Variants in FRMD4A observed in about 807,000 individuals in gnomAD.
FRMD4A encodes the protein FERM domain-containing protein 4A.
In FRMD4A, 29 loss-of-function variants were observed where a neutral mutation model predicts 129.1. That is an observed-to-expected ratio of 0.22 (90% CI 0.17 to 0.31). The LOEUF is 0.31. Among genes scored for constraint, FRMD4A ranks in the 10% least tolerant of loss-of-function variants. FRMD4A has a pLI of 1.00. For synonymous variants in FRMD4A, 634 were observed against 571.6 expected (o/e 1.11, Z -1.56); for missense variants, 1,272 against 1,375.8 (o/e 0.92, Z 1.19).
chr10:13,694,853 AAAG>A lies in FRMD4A; in HGVS notation c.976-817_976-815del, dbSNP rs1273449962. 2.0e-5 allele frequency among the ~76,000 whole-genome samples: 3 copies of A among 152,086 alleles called. No homozygotes were observed. In the East Asian group the frequency reaches 5.8e-4, roughly 29 times the overall value. ...TGAGACCCTGTCTCTTAAAAAAAAA[AAAG>A]AGAGAAATGACAATGACAGATCTCT... On this transcript the variant is annotated intron_variant, in intron 14 of 24. Transcript: ENST00000357447.
At chr10:13,976,832 T>C (rs970713480) in intron 2 of FRMD4A, among the ~76,000 whole-genome samples, 2 of 152,224 alleles carry the variant, frequency 1.3e-5, no homozygotes, top group African/African-American at 4.8e-5. Flanking sequence ...AGCCATAAGA[T>C]TGGCTGAAGA....
intron 2 of FRMD4A, among the ~76,000 whole-genome samples, chr10:14,098,393 C>CTTTT (rs1301692019): frequency 6.6e-6 from 1 of 150,892 alleles, no homozygotes; most frequent in Non-Finnish European, 1.5e-5. Flanking sequence ...ATGGTTCTCT[C>CTTTT]TTTTTTTCTT....
At chr10:14,304,362 G>A (rs1446223258) in intron 2 of FRMD4A, among the ~76,000 whole-genome samples, 2 of 152,048 alleles carry the variant, frequency 1.3e-5, no homozygotes. Context: ...TCTCATTTTG[G>A]CTTTGATTTG....
At chr10:14,298,071 C>T (rs933333837) in intron 2 of FRMD4A, among the ~76,000 whole-genome samples, 3 of 152,134 alleles carry the variant, frequency 2.0e-5, no homozygotes, top group African/African-American at 7.2e-5. Context: ...GGAACATAGC[C>T]ATATTTGCTT....
chr10:14,288,852 T>C (rs1158096763), intron 2 of FRMD4A, among the ~76,000 whole-genome samples: 1 of 152,210 alleles, frequency 6.6e-6, no homozygotes, highest in Non-Finnish European at 1.5e-5. Flanking sequence ...TTTAGATTCC[T>C]CATGTAAATG....
intron 2 of FRMD4A, among the ~76,000 whole-genome samples, chr10:13,955,023 T>C (rs985874007): frequency 1.3e-5 from 2 of 151,936 alleles, no homozygotes; most frequent in Non-Finnish European, 2.9e-5. Flanking sequence ...TTTTCAAATG[T>C]CACAGACTAC....
chr10:13,885,290 G>A (rs1224250700), intron 2 of FRMD4A, among the ~76,000 whole-genome samples: 17 of 152,144 alleles, frequency 1.1e-4, no homozygotes, highest in Non-Finnish European at 7.3e-5. Context: ...TTGCTCCTCC[G>A]AATGTCACTT....
At chr10:13,869,091 C>T (rs913869947) in intron 2 of FRMD4A, among the ~76,000 whole-genome samples, 19 of 152,172 alleles carry the variant, frequency 1.2e-4, no homozygotes, top group Admixed American at 3.9e-4. Flanking sequence ...AAAGGAAATT[C>T]GGTTTTCTCT....
At chr10:14,297,951 T>C (rs896249347) in intron 2 of FRMD4A, among the ~76,000 whole-genome samples, 17 of 152,190 alleles carry the variant, frequency 1.1e-4, no homozygotes, top group Non-Finnish European at 2.5e-4. Context: ...TAATGTTATC[T>C]CTCTGGGTTT....
intron 2 of FRMD4A, among the ~76,000 whole-genome samples, chr10:14,252,701 T>A (rs148429962): frequency 6.6e-6 from 1 of 152,366 alleles, no homozygotes; most frequent in Non-Finnish European, 1.5e-5. Context: ...ATGCCACATA[T>A]CTCTACCATA....
rs531292095 is a variant in FRMD4A at position 14,110,979 on chromosome 10, A to T, written c.45+219079T>A. Among the ~76,000 whole-genome samples the T allele has an allele frequency of 9.6e-4, 146 of 152,294 alleles. 1 individual carries two copies. Among genetic ancestry groups the T allele is most frequent in the African/African-American group, 3.4e-3 (143 of 41,576 alleles). ...AAGTATCTGGGACTAAAGGCATGCT[A>T]AAAATTTTTAAGAAATGTGAGAAAG... On this transcript the variant is annotated intron_variant, in intron 2 of 24. Coordinates refer to ENST00000357447, the MANE Select transcript of FRMD4A (RefSeq NM_018027.5).
At chr10:13,825,002 C>T (rs7899057) in intron 3 of FRMD4A, among the ~76,000 whole-genome samples, 31,174 of 151,724 alleles carry the variant, frequency 0.21, 3,762 homozygotes, top group East Asian at 0.48. Flanking sequence ...TCATTTTTCC[C>T]TCATTCCTGG....
At chr10:14,149,223 G>A (rs1175858904) in intron 2 of FRMD4A, among the ~76,000 whole-genome samples, 1 of 152,078 alleles carries the variant, frequency 6.6e-6, no homozygotes, top group East Asian at 1.9e-4. Context: ...GATTCATCAG[G>A]CAACCATATG....
chr10:14,233,449 C>T (rs1243880676), intron 2 of FRMD4A, among the ~76,000 whole-genome samples: 1 of 152,130 alleles, frequency 6.6e-6, no homozygotes, highest in East Asian at 1.9e-4. Flanking sequence ...TGGTGCACAC[C>T]TATAATCCCA....
At chr10:13,793,636 G>C (rs1393137592) in intron 5 of FRMD4A, among the ~76,000 whole-genome samples, 2 of 152,168 alleles carry the variant, frequency 1.3e-5, no homozygotes, top group Non-Finnish European at 2.9e-5. Flanking sequence ...GAGTGGGGAG[G>C]CTGCTCAGAG....
intron 2 of FRMD4A, among the ~76,000 whole-genome samples, chr10:14,287,922 A>G (rs537561477): frequency 4.5e-4 from 68 of 152,280 alleles, no homozygotes; most frequent in African/African-American, 1.6e-3. Context: ...GCTCTTATCC[A>G]AAAATCTCAA....
intron 2 of FRMD4A, among the ~76,000 whole-genome samples, chr10:14,233,230 C>T (rs1486729815): frequency 6.6e-6 from 1 of 152,178 alleles, no homozygotes; most frequent in Non-Finnish European, 1.5e-5. Flanking sequence ...AGCAAAAATA[C>T]ATATCCTCAG....
intron 2 of FRMD4A, among the ~76,000 whole-genome samples, chr10:14,084,200 G>T (rs540316985): frequency 6.6e-6 from 1 of 152,148 alleles, no homozygotes; most frequent in Non-Finnish European, 1.5e-5. Context: ...GGGCTGGAGT[G>T]CAGTGGCATG....
intron 2 of FRMD4A, among the ~76,000 whole-genome samples, chr10:14,267,730 C>T (rs1335931274): frequency 1.3e-5 from 2 of 152,136 alleles, no homozygotes; most frequent in Non-Finnish European, 2.9e-5. Context: ...GCACATTTCT[C>T]TGAATTTTAA....
Sources: gnomAD v4.1 joint callset for allele counts (sites outside exome capture counted in the v4.1 genomes callset) on GRCh38, gnomAD v4.1.1 for gene constraint, MANE v1.5 for transcripts, NCBI Gene and HGNC (gene_info 2026-07-23, HGNC 2026-07-21) for gene names.